The following NOTCH2 variants were observed in gnomAD, a reference collection of about 807,000 sequenced individuals.
NOTCH2 encodes the protein notch receptor 2.
In NOTCH2, 29 loss-of-function variants were observed where a neutral mutation model predicts 235.8. That is an observed-to-expected ratio of 0.12 (90% CI 0.09 to 0.17). The LOEUF is 0.17. Among genes scored for constraint, NOTCH2 ranks in the 10% least tolerant of loss-of-function variants. NOTCH2 has a pLI of 1.00. For missense variants in NOTCH2, 2,285 were observed against 3,150.2 expected, an observed-to-expected ratio of 0.73 and a Z score of 6.57; for synonymous variants, 1,086 against 1,141.5, an observed-to-expected ratio of 0.95 and a Z score of 0.98.
chr1:119,962,677 T>C (rs1553199158), intron 11 of NOTCH2, among the ~76,000 whole-genome samples: 2 of 152,204 alleles, frequency 1.3e-5, no homozygotes, highest in South Asian at 2.1e-4. Flanking sequence ...TCATTTTCCT[T>C]ACATCCAGAA....
chr1:119,946,700 C>G (rs1650266441), intron 17 of NOTCH2, among the ~76,000 whole-genome samples: 2 of 151,890 alleles, frequency 1.3e-5, no homozygotes, highest in Non-Finnish European at 2.9e-5. Flanking sequence ...TTATGAAAAC[C>G]TATAGGTAAC....
chr1:120,002,356 C>A (rs1652791685), intron 3 of NOTCH2, among the ~76,000 whole-genome samples: 1 of 150,722 alleles, frequency 6.6e-6, no homozygotes, highest in Admixed American at 6.6e-5. Context: ...CAGTCTACTA[C>A]TCCAGAACGG....
At chr1:119,941,383 C>G (rs1230486622) in intron 18 of NOTCH2, 143 bp downstream of exon 18, 4 of 704,582 alleles carry the variant, frequency 5.7e-6, no homozygotes, top group South Asian at 3.0e-5. Context: ...AACCAGTAAC[C>G]GGGCAATAGG....
chr1:119,916,432 G>A lies in NOTCH2; in HGVS notation c.6290C>T (p.Thr2097Ile). The change falls in exon 34 of 34, where the codon ACC (threonine) becomes ATC (isoleucine). Residue 2097 changes from threonine to isoleucine, a missense_variant. Around this residue, in one of 6 missense-constraint regions of NOTCH2, gnomAD observed 504 missense variants for 538.0 expected, o/e 0.94. Coordinates refer to ENST00000256646, the MANE Select transcript of NOTCH2 (RefSeq NM_024408.4). ...PNRSFLSLKHTPMGKKSRRPS... is the reference protein window; with the variant it reads ...PNRSFLSLKHIPMGKKSRRPS... ...CCGTCTAGACTTCTTGCCCATTGGG[G>A]TGTGCTTCAGGCTGAGGAAAGATCT... 6.2e-7 allele frequency: 1 copy of A among 1,614,108 alleles called. No individual in the cohort carries two copies. The highest frequency in any genetic ancestry group is 8.5e-7 in the Non-Finnish European group (1 of 1,179,990).
intron 1 of NOTCH2, among the ~76,000 whole-genome samples, chr1:120,035,448 C>T (rs1296087345): frequency 6.6e-6 from 1 of 152,148 alleles, no homozygotes; most frequent in Non-Finnish European, 1.5e-5. Context: ...GTATTACTCC[C>T]CACCACTTCC....
intron 4 of NOTCH2, among the ~76,000 whole-genome samples, chr1:119,988,028 T>G (rs1652087786): frequency 6.6e-6 from 1 of 152,204 alleles, no homozygotes; most frequent in Admixed American, 6.5e-5. Flanking sequence ...AACATTCTCC[T>G]ATTTGAAATA....
Position 120,048,324 on chromosome 1 carries a change from G to A in NOTCH2, c.74-18337C>T, listed in dbSNP as rs184317554. ...CTACCCTTTTTTCCCCCAAAGTGCT[G>A]TTGGAGACCTACCAAATTGGTTTCA... On this transcript the variant is annotated intron_variant, in intron 1 of 33. Transcript: ENST00000256646. Among the ~76,000 whole-genome samples the A allele has an allele frequency of 9.3e-4, 128 of 137,834 alleles. 5 individuals are homozygous for A. The highest frequency in any genetic ancestry group is 1.8e-3 in the Non-Finnish European group (117 of 66,094). 90.4% of individuals were successfully genotyped at this position (137,834 alleles called of 152,430 possible).
At chr1:120,038,105 T>C (rs1313083252) in intron 1 of NOTCH2, among the ~76,000 whole-genome samples, 1 of 152,118 alleles carries the variant, frequency 6.6e-6, no homozygotes. Flanking sequence ...TACTGTGTAG[T>C]TTTTCCTTTT....
In NOTCH2 at chr1:119,913,847, A is replaced by G. The variant is rs1040400903; in HGVS notation, c.*1459T>C. 1.7e-5 allele frequency: 4 copies of G among 232,974 alleles called. No individual in the cohort carries two copies. Among genetic ancestry groups the G allele is most frequent in the Non-Finnish European group, 2.5e-5 (3 of 117,946 alleles). 14.4% of individuals were successfully genotyped at this position (232,974 alleles called of 1,614,324 possible). A position where few individuals can be genotyped will look rare whatever the true frequency, so the allele number is the denominator to read the frequency against. On this transcript the variant is annotated 3_prime_UTR_variant, in exon 34 of 34. Coordinates refer to ENST00000256646, the MANE Select transcript of NOTCH2 (RefSeq NM_024408.4). Reference sequence around the variant, plus strand: ...GTAGCAGAAAATAGCAAAGGCTGCTATATAGTTCCTCCTTTTCCAACCTTC... The same window carrying G: ...GTAGCAGAAAATAGCAAAGGCTGCTGTATAGTTCCTCCTTTTCCAACCTTC...
At chr1:119,960,210 T>C (rs1385541491) in intron 11 of NOTCH2, among the ~76,000 whole-genome samples, 1 of 152,198 alleles carries the variant, frequency 6.6e-6, no homozygotes, top group Admixed American at 6.5e-5. Flanking sequence ...GACAGTATTT[T>C]TGCCAAAGAT....
At chr1:119,925,182 TG>T in intron 25 of NOTCH2, 122 bp downstream of exon 25, 1 of 1,222,676 alleles carries the variant, frequency 8.2e-7, no homozygotes, top group Non-Finnish European at 1.2e-6. Context: ...GGGACAAGGC[TG>T]GCACCATCTG....
At chr1:120,064,247 T>C (rs1253734065) in intron 1 of NOTCH2, among the ~76,000 whole-genome samples, 4 of 145,128 alleles carry the variant, frequency 2.8e-5, no homozygotes, top group African/African-American at 7.8e-5. Flanking sequence ...AGAGAAAATA[T>C]GGTACCTCTT....
chr1:119,968,040 G>C (rs1435873592), intron 7 of NOTCH2, 37 bp downstream of exon 7: 1 of 1,612,404 alleles, frequency 6.2e-7, no homozygotes, highest in Non-Finnish European at 8.5e-7. Flanking sequence ...GAGCTCAACA[G>C]ACACTTCACA....
At chr1:119,958,844 C>T (rs1255819674) in intron 12 of NOTCH2, among the ~76,000 whole-genome samples, 3 of 152,056 alleles carry the variant, frequency 2.0e-5, no homozygotes, top group East Asian at 1.9e-4. Flanking sequence ...TAGCCATTTA[C>T]TTTCTTCCTC....
chr1:119,984,560 A>G (rs1250884519), intron 5 of NOTCH2, among the ~76,000 whole-genome samples: 1 of 152,324 alleles, frequency 6.6e-6, no homozygotes, highest in East Asian at 1.9e-4. Flanking sequence ...TGTGTAACAC[A>G]GAAAAGACTA....
chr1:119,978,182 C>T lies in NOTCH2; in HGVS notation c.875-8438G>A, dbSNP rs141326528. Among the ~76,000 whole-genome samples the T allele has an allele frequency of 3.2e-3, 490 of 151,180 alleles. 2 individuals carry two copies. Among genetic ancestry groups the T allele is most frequent in the Middle Eastern group, 0.01 (3 of 294 alleles). ...GAGTGTGTAGAGAAAGGGTGGAGTG[C>T]GGAGTATTTCAGGCAGAAAGCATAG... On this transcript the variant is annotated intron_variant, in intron 5 of 33. Coordinates refer to ENST00000256646, the MANE Select transcript of NOTCH2 (RefSeq NM_024408.4).
rs782136077 is a variant in NOTCH2, at chr1:119,950,767, A to G, written c.2436T>C (p.Asp812=). The change falls in exon 15 of 34, where the codon GAT becomes GAC. Residue 812 remains aspartate, a synonymous_variant. Coordinates refer to ENST00000256646, the MANE Select transcript of NOTCH2 (RefSeq NM_024408.4). ...AGTGGCAAGTGTAGCCACTTATGTC[A>G]TCAAAGCAGGTTCCTTGGTTCAGGC... ...NPCLNQGTCF[D]DISGYTCHCV... 19 of 1,614,074 alleles carry G rather than the reference A, an allele frequency of 1.2e-5. No homozygotes were observed. The Admixed American group carries it at 3.2e-4, about 27-fold the overall frequency.
intron 32 of NOTCH2, 49 bp downstream of exon 32, chr1:119,918,357 G>A: frequency 6.2e-7 from 1 of 1,608,002 alleles, no homozygotes. Flanking sequence ...CCCCTCGTCA[G>A]AGGCATGCTT....
At chr1:119,987,528 A>G (rs1652066397) in intron 4 of NOTCH2, among the ~76,000 whole-genome samples, 1 of 152,160 alleles carries the variant, frequency 6.6e-6, no homozygotes, top group African/African-American at 2.4e-5. Context: ...GCGGCCTCCA[A>G]GCCAGGTGGG....
Sources: allele counts gnomAD v4.1 joint callset (sites outside exome capture counted in the v4.1 genomes callset), GRCh38; gene constraint gnomAD v4.1.1; regional missense constraint gnomAD v4.1.1; transcripts MANE v1.5; gene names NCBI Gene and HGNC (gene_info 2026-07-23, HGNC 2026-07-21).